MEGF11: variants seen among roughly 807,000 people sequenced by gnomAD.
MEGF11 encodes multiple epidermal growth factor-like domains protein 11.
A neutral mutation model predicts 146.6 loss-of-function variants in MEGF11; 126 were observed. That is an observed-to-expected ratio of 0.86 (90% CI 0.74 to 1.00). The LOEUF (loss-of-function observed/expected upper bound fraction) is 1.00, where lower values mean the gene tolerates loss of function less well. Ranked by LOEUF, MEGF11 falls within the 50% of genes least tolerant of loss-of-function variation. MEGF11 has a pLI of 0.00. For missense variants in MEGF11, 1,509 were observed against 1,521.2 expected, an observed-to-expected ratio of 0.99 and a Z score of 0.13; for synonymous variants, 532 against 583.4, an observed-to-expected ratio of 0.91 and a Z score of 1.27.
chr15:66,047,504 G>A (rs920136821), intron 5 of MEGF11, among the ~76,000 whole-genome samples: 2 of 152,106 alleles, frequency 1.3e-5, no homozygotes, highest in Non-Finnish European at 2.9e-5. Context: ...TACAGCACTG[G>A]GAATAATAAA....
At chr15:66,109,968 G>A (rs995529803) in intron 4 of MEGF11, among the ~76,000 whole-genome samples, 1 of 152,246 alleles carries the variant, frequency 6.6e-6, no homozygotes, top group Non-Finnish European at 1.5e-5. Context: ...GAGTGAGAGA[G>A]ATGGACAGGC....
chr15:65,911,915 C>G (rs1385862624), intron 21 of MEGF11, among the ~76,000 whole-genome samples, 167 bp downstream of exon 21: 2 of 152,218 alleles, frequency 1.3e-5, no homozygotes, highest in Non-Finnish European at 2.9e-5. Flanking sequence ...ACATGCCTCA[C>G]AGAGTGTTTA....
intron 9 of MEGF11, among the ~76,000 whole-genome samples, chr15:65,963,454 CATCTCTGATATTGGGTAATTCAT>C (rs1359621255): frequency 1.1e-4 from 16 of 152,370 alleles, no homozygotes; most frequent in East Asian, 1.9e-4. Context: ...TACATTTTCA[CATCTCTGATATTGGGTAATTCAT>C]ATCTCTGATA....
chr15:66,047,951 G>A (rs963117053), intron 5 of MEGF11, among the ~76,000 whole-genome samples: 8 of 36,776 alleles, frequency 2.2e-4, no homozygotes, highest in Admixed American at 4.3e-4. Context: ...CCTGGGAGGA[G>A]TGTTTTTTTT....
intron 1 of MEGF11, among the ~76,000 whole-genome samples, chr15:66,140,691 A>G (rs969849278): frequency 3.3e-5 from 5 of 152,180 alleles, no homozygotes; most frequent in Non-Finnish European, 7.3e-5. Context: ...TGACACAGGT[A>G]TGTTTGGCTG....
At chr15:65,927,566 G>A (rs1342301928) in intron 13 of MEGF11, among the ~76,000 whole-genome samples, 1 of 152,192 alleles carries the variant, frequency 6.6e-6, no homozygotes, top group Non-Finnish European at 1.5e-5. Flanking sequence ...GTCTTGGTCA[G>A]GTTGGGGTGG....
intron 10 of MEGF11, among the ~76,000 whole-genome samples, chr15:65,949,560 A>G (rs1015694600): frequency 3.3e-5 from 5 of 152,162 alleles, no homozygotes; most frequent in African/African-American, 1.2e-4. Flanking sequence ...TGGGCCCCAA[A>G]TCCTATGGGA....
At chr15:66,068,248 T>C (rs2085217853) in intron 5 of MEGF11, among the ~76,000 whole-genome samples, 1 of 152,200 alleles carries the variant, frequency 6.6e-6, no homozygotes, top group African/African-American at 2.4e-5. Context: ...AAATGTTTTA[T>C]GAGCAAATGA....
chr15:66,182,798 G>A (rs761373366), intron 1 of MEGF11, among the ~76,000 whole-genome samples: 1 of 152,198 alleles, frequency 6.6e-6, no homozygotes, highest in Non-Finnish European at 1.5e-5. Flanking sequence ...TAGGGCTGCA[G>A]GCAACATGGG....
At chr15:66,000,060 T>C (rs1258378193) in intron 5 of MEGF11, among the ~76,000 whole-genome samples, 6 of 152,158 alleles carry the variant, frequency 3.9e-5, no homozygotes. Context: ...GCCTCAGTTA[T>C]CCCAGTCAAG....
At chr15:66,189,293 G>C (rs1442122528) in intron 1 of MEGF11, among the ~76,000 whole-genome samples, 1 of 152,208 alleles carries the variant, frequency 6.6e-6, no homozygotes, top group African/African-American at 2.4e-5. Flanking sequence ...GCATGCTGGG[G>C]TGGGGTGGAG....
intron 1 of MEGF11, among the ~76,000 whole-genome samples, chr15:66,192,009 C>T (rs894286585): frequency 6.6e-6 from 1 of 152,022 alleles, no homozygotes; most frequent in African/African-American, 2.4e-5. Context: ...ACCCAGGAGG[C>T]GGAGTCTGCA....
chr15:66,233,772 T>C (rs1045865265), intron 1 of MEGF11, among the ~76,000 whole-genome samples: 11 of 152,128 alleles, frequency 7.2e-5, no homozygotes, highest in Admixed American at 3.3e-4. Flanking sequence ...CCTTTCATCA[T>C]GCTAGTGACT....
At chr15:66,216,228 TC>T (rs1483086837) in intron 1 of MEGF11, among the ~76,000 whole-genome samples, 1 of 151,120 alleles carries the variant, frequency 6.6e-6, no homozygotes, top group African/African-American at 2.4e-5. Context: ...CCTGGAGGAG[TC>T]TTTGGGGGAA....
intron 5 of MEGF11, among the ~76,000 whole-genome samples, chr15:66,038,740 T>A (rs976969097): frequency 2.0e-5 from 3 of 152,190 alleles, no homozygotes; most frequent in African/African-American, 7.2e-5. Flanking sequence ...CTCTGAGTCC[T>A]GTGTTCTTCC....
chr15:65,931,457 T>G (rs1372215478), intron 10 of MEGF11, among the ~76,000 whole-genome samples: 2 of 152,242 alleles, frequency 1.3e-5, no homozygotes, highest in Non-Finnish European at 2.9e-5. Flanking sequence ...TGCTGGCACC[T>G]TGGCTTCAGC....
At chr15:66,119,362 G>A (rs1409398085) in intron 3 of MEGF11, among the ~76,000 whole-genome samples, 176 bp from the exon 4 acceptor site, 2 of 152,220 alleles carry the variant, frequency 1.3e-5, no homozygotes, top group African/African-American at 2.4e-5. Context: ...TTGGGCTGTT[G>A]TGATGCAGAA....
At chr15:66,051,725 G>A (rs2084454055) in intron 5 of MEGF11, among the ~76,000 whole-genome samples, 1 of 152,162 alleles carries the variant, frequency 6.6e-6, no homozygotes. Context: ...TCTCACAGCT[G>A]ACCAGGGCTT....
chr15:65,909,915 C>T (rs2078745489), intron 21 of MEGF11, 109 bp from the exon 22 acceptor site: 3 of 974,932 alleles, frequency 3.1e-6, no homozygotes, highest in African/African-American at 1.6e-5. Flanking sequence ...TCCTGACCCA[C>T]CTGGGTCCTA....
Sources: allele counts gnomAD v4.1 joint callset (sites outside exome capture counted in the v4.1 genomes callset), GRCh38; gene constraint gnomAD v4.1.1; transcripts MANE v1.5; gene names NCBI Gene and HGNC (gene_info 2026-07-23, HGNC 2026-07-21).